ARID5B: variants seen among roughly 807,000 people sequenced by gnomAD.
ARID5B encodes the protein AT-rich interaction domain 5B.
Under a neutral mutation model 97.2 loss-of-function variants are expected in ARID5B, and 13 were observed. That is an observed-to-expected ratio of 0.13 (90% CI 0.09 to 0.21). The LOEUF is 0.21. Ranked by LOEUF, ARID5B falls within the 10% of genes least tolerant of loss-of-function variation. The probability of loss-of-function intolerance (pLI) is 1.00; values close to 1 mark genes in which losing one functional copy is unlikely to be tolerated. For missense variants in ARID5B, 1,210 were observed against 1,465.3 expected (o/e 0.83, Z 2.84); for synonymous variants, 556 against 570.3 (o/e 0.97, Z 0.36).
At chr10:61,991,989 G>A (rs10821939) in intron 3 of ARID5B, among the ~76,000 whole-genome samples, 80,227 of 151,588 alleles carry the variant, frequency 0.53, 21,666 homozygotes, top group Non-Finnish European at 0.59. Context: ...CTGAGATCAC[G>A]CTATGGCACT....
At chr10:61,904,036 G>A (rs1462733341) in intron 2 of ARID5B, among the ~76,000 whole-genome samples, 1 of 149,472 alleles carries the variant, frequency 6.7e-6, no homozygotes, top group Non-Finnish European at 1.5e-5. Context: ...CCCCTCCCAA[G>A]GTCTGGCTCG....
At chr10:61,994,767 TG>T (rs1265193275) in intron 3 of ARID5B, among the ~76,000 whole-genome samples, 1 of 135,282 alleles carries the variant, frequency 7.4e-6, no homozygotes, top group East Asian at 2.2e-4. Context: ...AAATTGACAT[TG>T]AGAGAGGTTA....
chr10:61,991,583 G>A (rs1838926218), intron 3 of ARID5B, among the ~76,000 whole-genome samples: 1 of 152,072 alleles, frequency 6.6e-6, no homozygotes, highest in African/African-American at 2.4e-5. Flanking sequence ...TCCCTTATCA[G>A]GTATATGCTT....
intron 7 of ARID5B, among the ~76,000 whole-genome samples, chr10:62,061,623 G>A (rs1839922168): frequency 6.6e-6 from 1 of 152,194 alleles, no homozygotes; most frequent in South Asian, 2.1e-4. Flanking sequence ...ATTAGGCTGT[G>A]GGAACTATGG....
intron 8 of ARID5B, among the ~76,000 whole-genome samples, chr10:62,079,664 G>A (rs1018721037): frequency 3.9e-5 from 6 of 152,238 alleles, no homozygotes; most frequent in Non-Finnish European, 7.4e-5. Flanking sequence ...CCAGTACCAC[G>A]TACCTTTCTT....
chr10:61,987,057 C>T (rs1350576590), intron 3 of ARID5B, among the ~76,000 whole-genome samples: 2 of 152,192 alleles, frequency 1.3e-5, no homozygotes, highest in African/African-American at 4.8e-5. Context: ...AAGCTGCCGT[C>T]AGGGTGGAGC....
intron 2 of ARID5B, among the ~76,000 whole-genome samples, chr10:61,934,627 A>G (rs538093549): frequency 1.3e-5 from 2 of 152,318 alleles, no homozygotes; most frequent in African/African-American, 4.8e-5. Context: ...AGGTCAGTGG[A>G]GCAGTCAGAA....
At chr10:61,988,110 A>G (rs570420559) in intron 3 of ARID5B, among the ~76,000 whole-genome samples, 33 of 152,168 alleles carry the variant, frequency 2.2e-4, no homozygotes, top group Admixed American at 5.9e-4. Flanking sequence ...TCAGCTTTCA[A>G]TGATGTTCTT....
intron 2 of ARID5B, among the ~76,000 whole-genome samples, chr10:61,922,582 G>T (rs1191236905): frequency 1.3e-5 from 2 of 152,230 alleles, no homozygotes; most frequent in East Asian, 3.9e-4. Flanking sequence ...CAGCCTGGGT[G>T]ACAGAGTGAG....
chr10:62,085,890 A>G lies in ARID5B; in HGVS notation c.1388A>G (p.Asp463Gly). The G allele has an allele frequency of 6.2e-7, 1 of 1,612,428 alleles. No homozygotes were observed. Among genetic ancestry groups the G allele is most frequent in the Middle Eastern group, 1.7e-4 (1 of 6,058 alleles). Residue 463 changes from aspartate (D) to glycine (G), a missense_variant, in exon 9 of 10, where the codon GAT becomes GGT. Coordinates refer to ENST00000279873, the MANE Select transcript of ARID5B (RefSeq NM_032199.3). Reference sequence around the variant, plus strand: ...AAAGAAAATGCCCCAAAGCCCCAGGATGCAGCAGAGGTGAGTTGCTTTGCT... The same window carrying G: ...AAAGAAAATGCCCCAAAGCCCCAGGGTGCAGCAGAGGTGAGTTGCTTTGCT... The part of the protein sequence containing the change: ...KEKENAPKPQ[D>G]AAEVSSEQEK...
At chr10:61,992,575 C>G (rs1838940652) in intron 3 of ARID5B, among the ~76,000 whole-genome samples, 2 of 152,076 alleles carry the variant, frequency 1.3e-5, no homozygotes, top group Admixed American at 1.3e-4. Flanking sequence ...TTGTTTGCAT[C>G]CATGTACTGA....
intron 9 of ARID5B, among the ~76,000 whole-genome samples, chr10:62,087,026 C>G (rs770454186): frequency 2.0e-5 from 3 of 151,776 alleles, no homozygotes; most frequent in Non-Finnish European, 2.9e-5. Flanking sequence ...TGTGGCCGGG[C>G]GCGGTGGCTC....
rs1839070826 is a variant in ARID5B at position 62,000,877 on chromosome 10, T to TGAC, written c.733+556_733+557insGAC. On this transcript the variant is annotated intron_variant, in intron 4 of 9. Transcript: ENST00000279873. The surrounding 1 kb of genome is among the most constrained non-coding windows in gnomAD (Gnocchi z 4.4). ...GATAGATAGATAGATAGATAGATGATAGGTGATAGATATCCATGTCCTGAA... is the reference window on the plus strand; with the variant it reads ...GATAGATAGATAGATAGATAGATGATGACAGGTGATAGATATCCATGTCCTGAA... Among the ~76,000 whole-genome samples the TGAC allele has an allele frequency of 7.1e-6, 1 of 141,470 alleles. No individual in the cohort carries two copies. Among genetic ancestry groups the TGAC allele is most frequent in the African/African-American group, 2.7e-5 (1 of 37,488 alleles). 92.8% of individuals were successfully genotyped at this position (141,470 alleles called of 152,430 possible).
chr10:62,017,865 A>G (rs909640196), intron 4 of ARID5B, among the ~76,000 whole-genome samples: 66 of 152,354 alleles, frequency 4.3e-4, no homozygotes, highest in African/African-American at 1.6e-3. Flanking sequence ...ACACTGAGCA[A>G]AATTCACTGA....
chr10:61,973,760 A>C (rs1344023258), intron 3 of ARID5B, among the ~76,000 whole-genome samples: 1 of 152,232 alleles, frequency 6.6e-6, no homozygotes, highest in African/African-American at 2.4e-5. Flanking sequence ...ATAAAATGAG[A>C]TATTCAGGCA....
chr10:61,998,370 TTTTCCCTTTGGAGAAG>T (rs1839030616), intron 3 of ARID5B, among the ~76,000 whole-genome samples: 4 of 152,196 alleles, frequency 2.6e-5, no homozygotes, highest in Non-Finnish European at 5.9e-5. Flanking sequence ...ATATTGAGTG[TTTTCCCTTTGGAGAAG>T]CAAGTGACAT....
At chr10:61,919,959 C>T (rs1440864028) in intron 2 of ARID5B, among the ~76,000 whole-genome samples, 1 of 152,060 alleles carries the variant, frequency 6.6e-6, no homozygotes, top group African/African-American at 2.4e-5. Flanking sequence ...CTCTTTCTCA[C>T]TCCACATTTT....
chr10:61,983,866 T>C (rs1838810934), intron 3 of ARID5B, among the ~76,000 whole-genome samples: 1 of 49,764 alleles, frequency 2.0e-5, no homozygotes. Context: ...CCCCTTTTGT[T>C]CTTTTTTTTT....
chr10:61,952,241 G>A (rs1010585726), intron 3 of ARID5B, among the ~76,000 whole-genome samples: 17 of 152,022 alleles, frequency 1.1e-4, no homozygotes, highest in Admixed American at 7.9e-4. Context: ...CTCTCTACTC[G>A]TGGAATAGCC....
Sources: allele counts gnomAD v4.1 joint callset (sites outside exome capture counted in the v4.1 genomes callset), GRCh38; gene constraint gnomAD v4.1.1; non-coding constraint Gnocchi (gnomAD v3.1); transcripts MANE v1.5; gene names NCBI Gene and HGNC (gene_info 2026-07-23, HGNC 2026-07-21).